Variants in ZMYM6 observed in about 807,000 individuals in gnomAD.
The protein encoded by ZMYM6 is zinc finger MYM-type protein 6.
A neutral mutation model predicts 134.0 loss-of-function variants in ZMYM6; 90 were observed. That is an observed-to-expected ratio of 0.67 (90% CI 0.57 to 0.80). The LOEUF is 0.80. ZMYM6 is among the 30% of genes least tolerant of loss of function. ZMYM6 has a pLI of 0.00. For missense variants in ZMYM6, 1,362 were observed against 1,533.9 expected (o/e 0.89, Z 1.87); for synonymous variants, 481 against 524.1 (o/e 0.92, Z 1.12).
Position 35,031,818 on chromosome 1 carries a change from C to G in ZMYM6, c.-78G>C, listed in dbSNP as rs909527809. 4 of 152,638 alleles carry G rather than the reference C, an allele frequency of 2.6e-5. No homozygotes were observed. Among genetic ancestry groups the G allele is most frequent in the African/African-American group, 9.6e-5 (4 of 41,598 alleles). 9.5% of individuals were successfully genotyped at this position (152,638 alleles called of 1,614,324 possible). On this transcript the variant is annotated 5_prime_UTR_variant, in exon 1 of 16. Transcript: ENST00000357182. ...CTACCACTGCGGCCGCACCCACCTT[C>G]TGTCGCCTCCCTGCTACCGGAGGAG...
At position 35,019,303 on chromosome 1, in the gene ZMYM6, T is replaced by C. The variant is rs201796349; in HGVS notation, c.428+50A>G. 22 of 1,611,526 alleles carry C rather than the reference T, an allele frequency of 1.4e-5. No individual in the cohort carries two copies. In the Admixed American group the frequency reaches 1.5e-4, roughly 11 times the overall value. On this transcript the variant is annotated intron_variant, in intron 4 of 15. Transcript: ENST00000357182. ...AACAGTATGTTTGAACTAAACAATA[T>C]ACACACTAAAAAAAAGGTAAAGTAA...
At chr1:34,994,939 T>C (rs537183752) in intron 14 of ZMYM6, among the ~76,000 whole-genome samples, 5,126 of 146,598 alleles carry the variant, frequency 0.035, 372 homozygotes, top group African/African-American at 0.12. Flanking sequence ...TATATATATA[T>C]ATGTATACAT....
At chr1:34,990,763 A>G (rs1640659563) in intron 15 of ZMYM6, among the ~76,000 whole-genome samples, 1 of 152,248 alleles carries the variant, frequency 6.6e-6, no homozygotes, top group Admixed American at 6.5e-5. Context: ...AAAATTGGAA[A>G]AAAATAATCT....
chr1:35,009,961 A>C (rs188465067), intron 10 of ZMYM6, among the ~76,000 whole-genome samples: 17 of 152,242 alleles, frequency 1.1e-4, no homozygotes, highest in African/African-American at 3.4e-4. Context: ...CAAAAATAAT[A>C]AATAAAAAGA....
At chr1:34,995,077 TTACA>T (rs1283352091) in intron 14 of ZMYM6, among the ~76,000 whole-genome samples, 5 of 119,418 alleles carry the variant, frequency 4.2e-5, no homozygotes, top group Admixed American at 1.5e-4. Flanking sequence ...ATATATATAC[TTACA>T]TACGTATATA....
At chr1:35,005,057 A>G in intron 13 of ZMYM6, 75 bp downstream of exon 13, 1 of 1,562,032 alleles carries the variant, frequency 6.4e-7, no homozygotes, top group Non-Finnish European at 8.7e-7. Flanking sequence ...AAACTGTCTC[A>G]AAAAGAGAGA....
chr1:35,013,984 C>T (rs780186951), intron 6 of ZMYM6, among the ~76,000 whole-genome samples: 19 of 152,146 alleles, frequency 1.2e-4, no homozygotes, highest in Admixed American at 5.2e-4. Context: ...GCCACCGCGC[C>T]GGCCTTACAA....
chr1:34,992,146 T>C (rs758924361), intron 15 of ZMYM6, 88 bp downstream of exon 15: 9 of 1,522,954 alleles, frequency 5.9e-6, no homozygotes, highest in Non-Finnish European at 8.2e-6. Context: ...TAAGACTCTG[T>C]CAATTATTTT....
chr1:35,024,992 C>T (rs908031334), intron 2 of ZMYM6, among the ~76,000 whole-genome samples: 1 of 152,054 alleles, frequency 6.6e-6, no homozygotes, highest in East Asian at 2.0e-4. Context: ...CCTCAGCCTC[C>T]CCAGTAGCTG....
intron 4 of ZMYM6, among the ~76,000 whole-genome samples, chr1:35,016,867 T>C (rs895800086): frequency 6.6e-6 from 1 of 151,352 alleles, no homozygotes; most frequent in African/African-American, 2.4e-5. Flanking sequence ...TAGCAGGGCA[T>C]GCTGGCTCAT....
chr1:35,003,269 T>G (rs1325195983), intron 14 of ZMYM6, among the ~76,000 whole-genome samples: 2 of 150,848 alleles, frequency 1.3e-5, no homozygotes, highest in Non-Finnish European at 2.9e-5. Context: ...TAATAAAGGA[T>G]GATGGGAATT....
chr1:35,015,743 A>ATATATATATATATATATATAT (rs1553131756), intron 4 of ZMYM6, among the ~76,000 whole-genome samples: 1 of 106,476 alleles, frequency 9.4e-6, no homozygotes, highest in African/African-American at 6.6e-5. Context: ...AAAAAAAAAA[A>ATATATATATATATATATATAT]ATATATATAT....
At chr1:35,007,629 C>T (rs536463310) in intron 11 of ZMYM6, among the ~76,000 whole-genome samples, 1 of 151,408 alleles carries the variant, frequency 6.6e-6, no homozygotes. Context: ...TCAAAATTAC[C>T]AATAAGGGAA....
chr1:35,015,749 T>A (rs1421390567), intron 4 of ZMYM6, among the ~76,000 whole-genome samples: 230 of 114,554 alleles, frequency 2.0e-3, no homozygotes, highest in African/African-American at 8.7e-3. Flanking sequence ...AAAAAATATA[T>A]ATATATATAT....
intron 4 of ZMYM6, among the ~76,000 whole-genome samples, chr1:35,015,436 C>T (rs918700861): frequency 6.6e-6 from 1 of 151,790 alleles, no homozygotes; most frequent in African/African-American, 2.4e-5. Flanking sequence ...TAAAATATAG[C>T]CAGCCAGGGC....
In ZMYM6 at chr1:35,010,930, C is replaced by G; in HGVS notation, c.1169G>C (p.Gly390Ala). ...GGGGGAAACGGCAGAGGTGTTACCT[C>G]CTCCTATTGACACTGCTGACCTGGA... ...PSSRSAVSIGGGNTSAVSPSS... is the reference protein window; with the variant it reads ...PSSRSAVSIGAGNTSAVSPSS... Residue 390 changes from glycine (G) to alanine (A), a missense_variant, in exon 9 of 16, where the codon GGA (glycine) becomes GCA (alanine). Around this residue, in one of 3 missense-constraint regions of ZMYM6, gnomAD observed 503 missense variants for 520.8 expected, o/e 0.97. Transcript: ENST00000357182. The G allele has an allele frequency of 6.2e-7, 1 of 1,612,704 alleles. No individual in the cohort carries two copies. The highest frequency in any genetic ancestry group is 8.5e-7 in the Non-Finnish European group (1 of 1,179,518).
At chr1:35,025,626 C>G (rs574874273) in intron 2 of ZMYM6, among the ~76,000 whole-genome samples, 1 of 152,264 alleles carries the variant, frequency 6.6e-6, no homozygotes, top group South Asian at 2.1e-4. Flanking sequence ...TTACTTCTCT[C>G]ATTCTCATAA....
At chr1:35,023,416 G>A (rs531515129) in intron 2 of ZMYM6, among the ~76,000 whole-genome samples, 14 of 152,116 alleles carry the variant, frequency 9.2e-5, no homozygotes, top group African/African-American at 3.1e-4. Context: ...CAAAATGCTA[G>A]TTCTCATACT....
At chr1:34,997,439 G>A (rs1288203630) in intron 14 of ZMYM6, among the ~76,000 whole-genome samples, 4 of 152,088 alleles carry the variant, frequency 2.6e-5, no homozygotes, top group East Asian at 1.9e-4. Context: ...TGAGTAGCTG[G>A]GATTACAGGC....
Sources: allele counts gnomAD v4.1 joint callset (sites outside exome capture counted in the v4.1 genomes callset), GRCh38; gene constraint gnomAD v4.1.1; regional missense constraint gnomAD v4.1.1; transcripts MANE v1.5; gene names NCBI Gene and HGNC (gene_info 2026-07-23, HGNC 2026-07-21).